Variants in LMTK3 observed in about 807,000 individuals in gnomAD.
The protein encoded by LMTK3 is lemur tail kinase 3, also known as serine/threonine-protein kinase LMTK3.
In LMTK3, 27 loss-of-function variants were observed where a neutral mutation model predicts 116.7. The observed-to-expected ratio is 0.23, with a 90% CI of 0.17 to 0.32. The LOEUF (loss-of-function observed/expected upper bound fraction) is 0.32. Among genes scored for constraint, LMTK3 ranks in the 10% least tolerant of loss-of-function variants. The probability of loss-of-function intolerance (pLI) is 1.00; values close to 1 mark genes in which losing one functional copy is unlikely to be tolerated. For missense variants in LMTK3, 1,764 were observed against 2,068.5 expected, an observed-to-expected ratio of 0.85 and a Z score of 2.86; for synonymous variants, 965 against 971.0, an observed-to-expected ratio of 0.99 and a Z score of 0.11.
At chr19:48,490,761 C>A (rs973691361) in intron 14 of LMTK3, among the ~76,000 whole-genome samples, 2 of 152,140 alleles carry the variant, frequency 1.3e-5, no homozygotes, top group Non-Finnish European at 2.9e-5. Context: ...CACCGTGTTC[C>A]CCAAACGGAG....
At chr19:48,513,133 T>TAG, upstream of LMTK3, 1 of 1,596,678 alleles carries the variant, frequency 6.3e-7, no homozygotes, top group Non-Finnish European at 8.5e-7. This position sits in a 1 kb window ranked among gnomAD's most constrained non-coding sequence, Gnocchi z 5.6. Flanking sequence ...GGGTCGCAAA[T>TAG]ACCCACGTTT....
Position 48,494,502 on chromosome 19 carries a change from T to G in LMTK3, c.3677-393A>C, listed in dbSNP as rs913068754. ...GTGCCACCATGCCCGGCTAATTTTT[T>G]GTATTTTTAGTAGAGACGGGGTTTC... On this transcript the variant is annotated intron_variant, in intron 11 of 14. Coordinates refer to ENST00000600059, the MANE Select transcript of LMTK3 (RefSeq NM_001388485.1). This position sits in a 1 kb window ranked among gnomAD's most constrained non-coding sequence, Gnocchi z 4.0. Among the ~76,000 whole-genome samples, 1 of 152,174 alleles carries G rather than the reference T, an allele frequency of 6.6e-6. No homozygotes were observed. Among genetic ancestry groups the G allele is most frequent in the Non-Finnish European group, 1.5e-5 (1 of 68,032 alleles).
At position 48,501,552 on chromosome 19, in the gene LMTK3, G is replaced by A; in HGVS notation, c.805C>T (p.Leu269=). Reference sequence around the variant, plus strand: ...TCAGAGGTCAGCAGGCAGTTGCGCAGGGCCAGGTCGCTGCGGGAAGAACGC... The same window carrying A: ...TCAGAGGTCAGCAGGCAGTTGCGCAAGGCCAGGTCGCTGCGGGAAGAACGC... ...SHNYVHSDLA[L]RNCLLTSDLT... Residue 269 remains leucine, a synonymous_variant, in exon 8 of 15, where the codon CTG becomes TTG. Coordinates refer to ENST00000600059, the MANE Select transcript of LMTK3 (RefSeq NM_001388485.1). The A allele has an allele frequency of 1.2e-6, 2 of 1,608,960 alleles. No individual in the cohort carries two copies. The highest frequency in any genetic ancestry group is 1.1e-5 in the South Asian group (1 of 90,450).
rs767551033 is a variant in LMTK3, at chr19:48,499,026, C to A, written c.2043G>T (p.Leu681=). 1.4e-6 allele frequency: 2 copies of A among 1,459,006 alleles called. No homozygotes were observed. Among genetic ancestry groups the A allele is most frequent in the South Asian group, 2.7e-5 (2 of 73,940 alleles). 90.4% of individuals were successfully genotyped at this position (1,459,006 alleles called of 1,614,324 possible). A position where few individuals can be genotyped will look rare whatever the true frequency, so the allele number is the denominator to read the frequency against. Residue 681 remains leucine (L), a synonymous_variant, in exon 11 of 15, where the codon CTG becomes CTT. Transcript: ENST00000600059. The part of the protein sequence containing the change: ...LCSREGACSC[L]PLERGDAVAG... ...CTACGGCGTCCCCCCGCTCCAGTGGCAGGCAGGAGCAGGCCCCCTCGCGGC... is the reference window on the plus strand; with the variant it reads ...CTACGGCGTCCCCCCGCTCCAGTGGAAGGCAGGAGCAGGCCCCCTCGCGGC...
At chr19:48,507,862 A>G (rs1972596178) in intron 5 of LMTK3, among the ~76,000 whole-genome samples, 1 of 152,178 alleles carries the variant, frequency 6.6e-6, no homozygotes, top group Non-Finnish European at 1.5e-5. Context: ...AGCAAATGAT[A>G]TAGTGACAAC....
intron 5 of LMTK3, among the ~76,000 whole-genome samples, chr19:48,507,913 G>T (rs1460625988): frequency 6.6e-6 from 1 of 152,204 alleles, no homozygotes; most frequent in Non-Finnish European, 1.5e-5. Context: ...CCATGACGGG[G>T]TGAAGCACCC....
Position 48,501,067 on chromosome 19 carries a change from G to C in LMTK3, c.1080C>G (p.Leu360=). 1 of 1,572,130 alleles carries C rather than the reference G, an allele frequency of 6.4e-7. No homozygotes were observed. Among genetic ancestry groups the C allele is most frequent in the Non-Finnish European group, 8.6e-7 (1 of 1,160,068 alleles). The change falls in exon 10 of 15, where the codon CTC becomes CTG. Residue 360 remains leucine (L), a synonymous_variant. Coordinates refer to ENST00000600059, the MANE Select transcript of LMTK3 (RefSeq NM_001388485.1). ...CATGCTGCTGGCGGACCACGAAGGC[G>C]AGGACCTCCTCGTCTGACAGGTGGC... is the stretch of plus-strand genomic sequence containing the variant. ...PYRHLSDEEV[L]AFVVRQQHVK...
Position 48,500,925 on chromosome 19 carries a change from C to T in LMTK3, c.1151+71G>A, listed in dbSNP as rs1188718430. 1 of 1,408,170 alleles carries T rather than the reference C, an allele frequency of 7.1e-7. No individual in the cohort carries two copies. Among genetic ancestry groups the T allele is most frequent in the Admixed American group, 2.9e-5 (1 of 34,284 alleles). The allele number at this position is 1,408,170 out of a possible 1,614,324, so 87.2% of individuals were successfully genotyped here. A position where few individuals can be genotyped will look rare whatever the true frequency, so the allele number is the denominator to read the frequency against. ...AACGGGATGTGGGTGATGTGGGAAA[C>T]GAGGGGGGATGCTGGGACCATCCTG... On this transcript the variant is annotated intron_variant, in intron 10 of 14. Coordinates refer to ENST00000600059, the MANE Select transcript of LMTK3 (RefSeq NM_001388485.1). This position sits in a 1 kb window ranked among gnomAD's most constrained non-coding sequence, Gnocchi z 4.0.
rs756439666 is a variant in LMTK3, at chr19:48,498,532, C to G, written c.2537G>C (p.Gly846Ala). 163 of 1,572,344 alleles carry G rather than the reference C, an allele frequency of 1.0e-4. No homozygotes were observed. Among genetic ancestry groups the G allele is most frequent in the Non-Finnish European group, 1.4e-4 (157 of 1,158,848 alleles). The change falls in exon 11 of 15, where the codon GGG becomes GCG. Residue 846 changes from glycine to alanine, a missense_variant. Gly to Ala is a moderately conservative substitution (Grantham distance 60). Coordinates refer to ENST00000600059, the MANE Select transcript of LMTK3 (RefSeq NM_001388485.1). The stretch of plus-strand genomic sequence containing the variant: ...CACGAAGGTCGGCTTCTCCCGGGGC[C>G]CCGGGAGTGGGAGCGGACCCGGGTC... ...PPDPGPLPLP[G>A]PREKPTFVVQ...
chr19:48,511,302 C>A (rs1184758701), intron 1 of LMTK3, among the ~76,000 whole-genome samples, 199 bp downstream of exon 1: 1 of 152,224 alleles, frequency 6.6e-6, no homozygotes, highest in Non-Finnish European at 1.5e-5. Context: ...AACGGAGCCC[C>A]CTCCCCACCC....
At chr19:48,487,738 TG>T (rs1306305851) in intron 14 of LMTK3, among the ~76,000 whole-genome samples, 1 of 152,094 alleles carries the variant, frequency 6.6e-6, no homozygotes, top group Non-Finnish European at 1.5e-5. Flanking sequence ...AGGTTCTCGT[TG>T]GGGGCCTCAT....
At position 48,485,383 on chromosome 19, in the gene LMTK3, A is replaced by C; in HGVS notation, c.*390T>G. 5.4e-6 allele frequency: 1 copy of C among 185,798 alleles called. No homozygotes were observed. Among genetic ancestry groups the C allele is most frequent in the Non-Finnish European group, 1.1e-5 (1 of 88,632 alleles). 11.5% of individuals were successfully genotyped at this position (185,798 alleles called of 1,614,324 possible). A position where few individuals can be genotyped will look rare whatever the true frequency, so the allele number is the denominator to read the frequency against. On this transcript the variant is annotated 3_prime_UTR_variant, in exon 15 of 15. Transcript: ENST00000600059. The stretch of plus-strand genomic sequence containing the variant: ...CTGGGGAGGGAAAGGGGAGACGCGA[A>C]ATGGGGGGTCCGGGTCCCCGAAGCC...
In LMTK3 at chr19:48,497,891, C is replaced by T. The variant is rs753106497; in HGVS notation, c.3178G>A (p.Ala1060Thr). The change falls in exon 11 of 15, where the codon GCA (alanine) becomes ACA (threonine). Residue 1060 changes from alanine (A) to threonine (T), a missense_variant. Transcript: ENST00000600059. This position sits in a 1 kb window ranked among gnomAD's most constrained non-coding sequence, Gnocchi z 5.7. ...TSLERAPAPS[A>T]VVSSRNGGET... ...CCGCCGTTCCGGGAGGAGACCACTG[C>T]GCTGGGTGCAGGGGCTCTCTCCAGA... 127 of 1,474,776 alleles carry T rather than the reference C, an allele frequency of 8.6e-5. No homozygotes were observed. Among genetic ancestry groups the T allele is most frequent in the Non-Finnish European group, 1.1e-4 (120 of 1,116,330 alleles). 91.4% of individuals were successfully genotyped at this position (1,474,776 alleles called of 1,614,324 possible). A position where few individuals can be genotyped will look rare whatever the true frequency, so the allele number is the denominator to read the frequency against.
intron 5 of LMTK3, among the ~76,000 whole-genome samples, chr19:48,508,066 C>T (rs77650236): frequency 0.028 from 4,315 of 152,008 alleles, 213 homozygotes; most frequent in African/African-American, 0.098. Context: ...CGATGCGCTG[C>T]GGCAGGGAAT....
At chr19:48,510,253 C>T (rs1972633907) in intron 2 of LMTK3, 80 bp from the exon 3 acceptor site, 1 of 1,517,028 alleles carries the variant, frequency 6.6e-7, no homozygotes, top group African/African-American at 1.4e-5. Flanking sequence ...AAGTTTGTCT[C>T]CCCTTCATTT....
In LMTK3 at chr19:48,498,135, C is replaced by G. The variant is rs572849420; in HGVS notation, c.2934G>C (p.Glu978Asp). The change falls in exon 11 of 15, where the codon GAG (glutamate) becomes GAC (aspartate). Residue 978 changes from glutamate (E) to aspartate (D), a missense_variant. Physicochemically the swap from Glu to Asp is conservative, Grantham distance 45. Coordinates refer to ENST00000600059, the MANE Select transcript of LMTK3 (RefSeq NM_001388485.1). ...TCTCCCCGGCCTCTGGGGACCTCAG[C>G]TCCCCATTCTCCAGCGCTTTCTCCT... is the stretch of plus-strand genomic sequence containing the variant. ...RREEKALENG[E>D]LRSPEAGEKV... is the part of the protein sequence containing the mutation. 6.2e-7 allele frequency: 1 copy of G among 1,613,540 alleles called. No individual in the cohort carries two copies. The highest frequency in any genetic ancestry group is 1.1e-5 in the South Asian group (1 of 91,074).
intron 11 of LMTK3, among the ~76,000 whole-genome samples, chr19:48,495,685 A>G (rs949116230): frequency 9.2e-5 from 14 of 152,284 alleles, no homozygotes; most frequent in African/African-American, 2.9e-4. Context: ...AGGCTCCTCT[A>G]TGGAGATGAT....
At chr19:48,513,131 A>G (rs1972689007), upstream of LMTK3, 1 of 1,596,242 alleles carries the variant, frequency 6.3e-7, no homozygotes. This position sits in a 1 kb window ranked among gnomAD's most constrained non-coding sequence, Gnocchi z 5.6. Flanking sequence ...ACGGGTCGCA[A>G]ATACCCACGT....
intron 5 of LMTK3, among the ~76,000 whole-genome samples, chr19:48,505,345 C>G (rs1294895406): frequency 6.6e-6 from 1 of 151,948 alleles, no homozygotes; most frequent in East Asian, 1.9e-4. Context: ...AACTCCTGAC[C>G]TCAGGTAATC....
Sources: gnomAD v4.1 joint callset for allele counts (sites outside exome capture counted in the v4.1 genomes callset) on GRCh38, gnomAD v4.1.1 for gene constraint, Gnocchi (gnomAD v3.1) non-coding constraint, MANE v1.5 for transcripts, NCBI Gene and HGNC (gene_info 2026-07-23, HGNC 2026-07-21) for gene names.